NHS: variants seen among roughly 807,000 people sequenced by gnomAD.
NHS encodes NHS actin remodeling regulator, also known as actin remodeling regulator NHS.
A neutral mutation model predicts 72.5 loss-of-function variants in NHS; 5 were observed. The observed-to-expected ratio is 0.07, with a 90% CI of 0.04 to 0.14. The LOEUF is 0.14. NHS is among the 10% of genes least tolerant of loss of function. NHS has a pLI of 1.00. For synonymous variants in NHS, 464 were observed against 547.7 expected (o/e 0.85, Z 2.13); for missense variants, 1,072 against 1,355.7 (o/e 0.79, Z 3.29).
chrX:17,532,228 C>T (rs1411512718), intron 1 of NHS, among the ~76,000 whole-genome samples: 2 of 111,789 alleles, frequency 1.8e-5, no homozygotes, highest in African/African-American at 6.5e-5. Context: ...CATGAATTGG[C>T]CCTCGAGGTC....
At chrX:17,567,445 C>T (rs1367941365) in intron 1 of NHS, among the ~76,000 whole-genome samples, 2 of 112,128 alleles carry the variant, frequency 1.8e-5, no homozygotes, top group African/African-American at 6.5e-5. Context: ...AAACAGGCTG[C>T]ATCCCTGGCA....
At chrX:17,442,730 A>G (rs935815518) in intron 1 of NHS, among the ~76,000 whole-genome samples, 6 of 112,680 alleles carry the variant, frequency 5.3e-5, no homozygotes, top group African/African-American at 1.9e-4. Context: ...CTGTAAAGTT[A>G]CATAACTTCT....
At chrX:17,619,790 C>T (rs2065764182) in intron 1 of NHS, among the ~76,000 whole-genome samples, 1 of 111,420 alleles carries the variant, frequency 9.0e-6, no homozygotes, top group Non-Finnish European at 1.9e-5. Flanking sequence ...CTCTGAGAAA[C>T]CTTTTCTAAC....
At chrX:17,414,586 A>G (rs2064581281) in intron 1 of NHS, among the ~76,000 whole-genome samples, 1 of 111,638 alleles carries the variant, frequency 9.0e-6, no homozygotes, top group African/African-American at 3.3e-5. Flanking sequence ...TGTTTTCTCT[A>G]AGACGTTACT....
intron 1 of NHS, among the ~76,000 whole-genome samples, chrX:17,400,795 G>A (rs1405315225): frequency 9.0e-6 from 1 of 111,702 alleles, no homozygotes; most frequent in Non-Finnish European, 1.9e-5. Flanking sequence ...CAACGTTTGC[G>A]AGATGGCTAT....
intron 1 of NHS, among the ~76,000 whole-genome samples, chrX:17,482,469 C>T (rs1391483443): frequency 8.9e-6 from 1 of 112,593 alleles, no homozygotes; most frequent in Admixed American, 9.4e-5. Flanking sequence ...TGCAGACACT[C>T]TGGCCTCGAG....
chrX:17,568,932 T>G (rs1481305631), intron 1 of NHS, among the ~76,000 whole-genome samples: 1 of 110,145 alleles, frequency 9.1e-6, no homozygotes, highest in Non-Finnish European at 1.9e-5. Context: ...TTTCTGACCT[T>G]GTGATAGTTT....
At chrX:17,441,757 A>C (rs1029850674) in intron 1 of NHS, among the ~76,000 whole-genome samples, 1 of 111,578 alleles carries the variant, frequency 9.0e-6, no homozygotes, top group Admixed American at 9.6e-5. Context: ...CATGAACAGC[A>C]CAGGGGAAGA....
At chrX:17,593,507 G>T (rs928707435) in intron 1 of NHS, among the ~76,000 whole-genome samples, 1 of 110,786 alleles carries the variant, frequency 9.0e-6, no homozygotes, top group Non-Finnish European at 1.9e-5. Context: ...TAGTTTGGGG[G>T]TCTCTTTCAG....
chrX:17,491,031 A>G (rs1481393039), intron 1 of NHS, among the ~76,000 whole-genome samples: 1 of 111,929 alleles, frequency 8.9e-6, no homozygotes, highest in Non-Finnish European at 1.9e-5. Flanking sequence ...TTGGGTTAAG[A>G]TGATGGGATT....
intron 1 of NHS, among the ~76,000 whole-genome samples, chrX:17,583,310 A>T (rs779620910): frequency 9.0e-6 from 1 of 111,400 alleles, no homozygotes; most frequent in Non-Finnish European, 1.9e-5. Context: ...TATGGGAAGG[A>T]TACTGCAAAT....
At chrX:17,694,567 G>T (rs1449232684) in intron 3 of NHS, among the ~76,000 whole-genome samples, 1 of 111,928 alleles carries the variant, frequency 8.9e-6, no homozygotes, top group Non-Finnish European at 1.9e-5. Flanking sequence ...ACTGTACCTT[G>T]GTCATTAATG....
rs764391212 is a variant in NHS at position 17,503,313 on chromosome X, T to C, written c.565+126991T>C. 9.8e-5 allele frequency among the ~76,000 whole-genome samples: 11 copies of C among 112,200 alleles called. No homozygotes were observed. The South Asian group carries it at 4.1e-3, about 42-fold the overall frequency. ...GCTTGATTACAGTGAAAGTGTTGTATAAAAATGGTAATGTTGGAGTGAGGA... is the reference window on the plus strand; with the variant it reads ...GCTTGATTACAGTGAAAGTGTTGTACAAAAATGGTAATGTTGGAGTGAGGA... On this transcript the variant is annotated intron_variant, in intron 1 of 8. Coordinates refer to ENST00000676302, the MANE Select transcript of NHS (RefSeq NM_001291867.2).
chrX:17,487,771 C>T (rs1258356929), intron 1 of NHS, among the ~76,000 whole-genome samples: 1 of 111,721 alleles, frequency 9.0e-6, no homozygotes, highest in African/African-American at 3.3e-5. Context: ...AGAAAGCAGA[C>T]ACTTAGGGAA....
At chrX:17,380,653 A>G (rs952787711) in intron 1 of NHS, among the ~76,000 whole-genome samples, 1 of 112,135 alleles carries the variant, frequency 8.9e-6, no homozygotes, top group Admixed American at 9.4e-5. Flanking sequence ...AGCTCTACAG[A>G]CAACTCTTGT....
At chrX:17,530,317 A>C (rs1381796801) in intron 1 of NHS, among the ~76,000 whole-genome samples, 1 of 111,062 alleles carries the variant, frequency 9.0e-6, no homozygotes, top group Admixed American at 9.5e-5. Context: ...GCTGGACTTT[A>C]ATGTGGAGGA....
chrX:17,716,781 A>G (rs1601851219), intron 3 of NHS, among the ~76,000 whole-genome samples: 1 of 110,613 alleles, frequency 9.0e-6, no homozygotes, highest in African/African-American at 3.3e-5. Flanking sequence ...CCCCACAAAA[A>G]CGCATGTCTG....
chrX:17,436,890 C>G (rs2064726149), intron 1 of NHS, among the ~76,000 whole-genome samples: 1 of 111,685 alleles, frequency 9.0e-6, no homozygotes, highest in Non-Finnish European at 1.9e-5. Context: ...AGACCTGAGA[C>G]TCCAAGTGCC....
Position 17,713,092 on chromosome X carries a change from T to C in NHS, c.853-6252T>C, listed in dbSNP as rs2066344618. ...GAGCACAATGCCAACCTTTGGGAGATTTTGAGACAGTCTCAAGGGAATAAA... is the reference window on the plus strand; with the variant it reads ...GAGCACAATGCCAACCTTTGGGAGACTTTGAGACAGTCTCAAGGGAATAAA... On this transcript the variant is annotated intron_variant, in intron 3 of 8. Coordinates refer to ENST00000676302, the MANE Select transcript of NHS (RefSeq NM_001291867.2). Among the ~76,000 whole-genome samples, 3 of 111,007 alleles carry C rather than the reference T, an allele frequency of 2.7e-5. 1 individual carries two copies. The South Asian group carries it at 1.1e-3, about 42-fold the overall frequency.
Sources: allele counts gnomAD v4.1 joint callset (sites outside exome capture counted in the v4.1 genomes callset), GRCh38; gene constraint gnomAD v4.1.1; transcripts MANE v1.5; gene names NCBI Gene and HGNC (gene_info 2026-07-23, HGNC 2026-07-21).